Variants in ZNF829 observed in about 807,000 individuals in gnomAD.
ZNF829 encodes the protein zinc finger protein 829.
ZNF829 carries 25 observed loss-of-function variants against 35.2 expected under a neutral mutation model. The observed-to-expected ratio is 0.71, with a 90% CI of 0.52 to 0.99. The LOEUF (loss-of-function observed/expected upper bound fraction) is 0.99, where lower values mean the gene tolerates loss of function less well. Among genes scored for constraint, ZNF829 ranks in the 50% least tolerant of loss-of-function variants. The pLI is 0.00. For synonymous variants in ZNF829, 136 were observed against 163.2 expected, an observed-to-expected ratio of 0.83 and a Z score of 1.27; for missense variants, 417 against 515.3, an observed-to-expected ratio of 0.81 and a Z score of 1.85.
chr19:36,899,747 C>T (rs1325217824), intron 5 of ZNF829, among the ~76,000 whole-genome samples: 1 of 139,484 alleles, frequency 7.2e-6, no homozygotes, highest in East Asian at 2.0e-4. Flanking sequence ...TTTAAGTACT[C>T]TTACCCTAAA....
chr19:36,905,459 C>A (rs2073207641), intron 5 of ZNF829: 1 of 149,198 alleles, frequency 6.7e-6, no homozygotes, highest in Non-Finnish European at 1.5e-5. Flanking sequence ...TTTTGTGAGA[C>A]CAAGTTTTGC....
chr19:36,901,808 T>C, intron 5 of ZNF829: 1 of 662,762 alleles, frequency 1.5e-6, no homozygotes, highest in Admixed American at 2.0e-5. Flanking sequence ...GGTGGTGACC[T>C]GAGAATACAC....
chr19:36,897,097 A>G (rs758427306), intron 5 of ZNF829, among the ~76,000 whole-genome samples: 12 of 152,208 alleles, frequency 7.9e-5, no homozygotes, highest in Non-Finnish European at 1.6e-4. Context: ...GCCCAAGACT[A>G]AAGGGCTTTA....
Position 36,891,286 on chromosome 19 carries a change from T to G in ZNF829, c.*206A>C. On this transcript the variant is annotated 3_prime_UTR_variant, in exon 6 of 6. Transcript: ENST00000391711. ...ACCAAAACGATCAGCACCCTTGAGT[T>G]TAGATTTCCAGGCTCTAAACTATGA... 1 of 503,444 alleles carries G rather than the reference T, an allele frequency of 2.0e-6. No homozygotes were observed. The allele number at this position is 503,444 out of a possible 1,614,324, so 31.2% of individuals were successfully genotyped here.
intron 5 of ZNF829, among the ~76,000 whole-genome samples, chr19:36,899,212 G>A (rs1257053734): frequency 6.6e-6 from 1 of 152,164 alleles, no homozygotes; most frequent in Non-Finnish European, 1.5e-5. Flanking sequence ...GGCCAAGTCA[G>A]GAGGATCACT....
rs2073017262 is a variant in ZNF829 at position 36,888,348 on chromosome 19, AC to A, written c.*3143del. The A allele has an allele frequency of 6.6e-6, 1 of 152,136 alleles. No homozygotes were observed. Among genetic ancestry groups the A allele is most frequent in the Non-Finnish European group, 1.5e-5 (1 of 68,022 alleles). The allele number at this position is 152,136 out of a possible 1,614,324, so 9.4% of individuals were successfully genotyped here. On this transcript the variant is annotated 3_prime_UTR_variant, in exon 6 of 6. Coordinates refer to ENST00000391711, the MANE Select transcript of ZNF829 (RefSeq NM_001037232.4). ...TGTTATTACCACAATATAGTGTCAA[AC>A]CGTCAATGCAAAAATCTTTAATCTC...
At chr19:36,911,404 G>T (rs1303045820) in intron 3 of ZNF829, among the ~76,000 whole-genome samples, 1 of 151,974 alleles carries the variant, frequency 6.6e-6, no homozygotes, top group Non-Finnish European at 1.5e-5. Context: ...TAGAGATGTG[G>T]GTTCACCATG....
intron 3 of ZNF829, among the ~76,000 whole-genome samples, chr19:36,913,264 A>G (rs1267354148): frequency 6.6e-6 from 1 of 152,182 alleles, no homozygotes; most frequent in African/African-American, 2.4e-5. Context: ...TACCAAACAC[A>G]TACAATTTAA....
At chr19:36,911,476 T>C (rs558891354) in intron 3 of ZNF829, among the ~76,000 whole-genome samples, 17 of 152,172 alleles carry the variant, frequency 1.1e-4, no homozygotes, top group Middle Eastern at 3.4e-3. Context: ...CCTCCCAAAG[T>C]CCTGGGATTA....
chr19:36,910,167 C>CGAG (rs1403101611), intron 3 of ZNF829, among the ~76,000 whole-genome samples: 1 of 151,896 alleles, frequency 6.6e-6, no homozygotes, highest in Non-Finnish European at 1.5e-5. Context: ...TCACTGCAAC[C>CGAG]TCCACCTCCC....
chr19:36,901,841 C>T lies in ZNF829; in HGVS notation c.319+6088G>A, dbSNP rs369209013. 6.2e-4 allele frequency: 457 copies of T among 737,806 alleles called. 3 individuals carry two copies. The South Asian group carries it at 6.2e-3, about 10-fold the overall frequency. The allele number at this position is 737,806 out of a possible 1,614,324, so 45.7% of individuals were successfully genotyped here. ...CACCATCAGTATGCACAAGCGCATC[C>T]ATGGAGTGGGCTTCAAGAAGCGTGC... On this transcript the variant is annotated intron_variant, in intron 5 of 5. Transcript: ENST00000391711.
At position 36,891,308 on chromosome 19, in the gene ZNF829, A is replaced by T. The variant is rs751893736; in HGVS notation, c.*184T>A. ...AGTTTAGATTTCCAGGCTCTAAACT[A>T]TGAGAGAATAAATTTCTCTTGTTTT... On this transcript the variant is annotated 3_prime_UTR_variant, in exon 6 of 6. Transcript: ENST00000391711. 8.7e-6 allele frequency: 5 copies of T among 573,536 alleles called. No homozygotes were observed. The highest frequency in any genetic ancestry group is 1.4e-5 in the Non-Finnish European group (5 of 352,336). The allele number at this position is 573,536 out of a possible 1,614,324, so 35.5% of individuals were successfully genotyped here.
At chr19:36,908,218 C>A in intron 4 of ZNF829, 115 bp downstream of exon 4, 1 of 1,430,808 alleles carries the variant, frequency 7.0e-7, no homozygotes, top group East Asian at 2.3e-5. Context: ...TCAAACCATT[C>A]CTTAGGGAAC....
At chr19:36,894,324 T>A (rs988637991) in intron 5 of ZNF829, among the ~76,000 whole-genome samples, 14 of 151,920 alleles carry the variant, frequency 9.2e-5, no homozygotes, top group Admixed American at 7.2e-4. Context: ...AACAAATCCA[T>A]AAAATTGGAA....
intron 5 of ZNF829, chr19:36,901,827 T>C: frequency 1.4e-6 from 1 of 711,644 alleles, no homozygotes; most frequent in Non-Finnish European, 2.6e-6. Flanking sequence ...ACCATCAGTA[T>C]GCACAAGCGC....
chr19:36,910,857 A>C (rs73626774), intron 3 of ZNF829, among the ~76,000 whole-genome samples: 24,702 of 151,936 alleles, frequency 0.16, 2,535 homozygotes, highest in African/African-American at 0.28. Context: ...AAATACAAAA[A>C]ATAGCCAGGT....
At position 36,889,334 on chromosome 19, in the gene ZNF829, C is replaced by T. The variant is rs145161831; in HGVS notation, c.*2158G>A. ...TAGAATGAGTTAGGGAGGATTCCCT[C>T]CTATAATTTTTGGAATAGTTTCAAT... On this transcript the variant is annotated 3_prime_UTR_variant, in exon 6 of 6. Coordinates refer to ENST00000391711, the MANE Select transcript of ZNF829 (RefSeq NM_001037232.4). The T allele has an allele frequency of 6.6e-5, 10 of 152,196 alleles. No individual in the cohort carries two copies. The highest frequency in any genetic ancestry group is 1.5e-4 in the Non-Finnish European group (10 of 68,000). 9.4% of individuals were successfully genotyped at this position (152,196 alleles called of 1,614,324 possible). A position where few individuals can be genotyped will look rare whatever the true frequency, so the allele number is the denominator to read the frequency against.
intron 3 of ZNF829, among the ~76,000 whole-genome samples, chr19:36,911,233 G>T (rs2073262026): frequency 6.6e-6 from 1 of 150,422 alleles, no homozygotes; most frequent in Middle Eastern, 3.4e-3. Context: ...TTTTCTTTGA[G>T]ACTGAGTCTA....
At chr19:36,909,281 T>A (rs776874300) in intron 3 of ZNF829, among the ~76,000 whole-genome samples, 8 of 152,146 alleles carry the variant, frequency 5.3e-5, no homozygotes, top group Non-Finnish European at 1.2e-4. Flanking sequence ...TGTTTCATCA[T>A]GTAGAAAATA....
Sources: allele counts gnomAD v4.1 joint callset (sites outside exome capture counted in the v4.1 genomes callset), GRCh38; gene constraint gnomAD v4.1.1; transcripts MANE v1.5; gene names NCBI Gene and HGNC (gene_info 2026-07-23, HGNC 2026-07-21).